BDP1: variants seen among roughly 807,000 people sequenced by gnomAD.
BDP1 encodes the protein transcription factor TFIIIB component B'' homolog.
In BDP1, 169 loss-of-function variants were observed where a neutral mutation model predicts 266.6. The observed-to-expected ratio is 0.63, with a 90% CI of 0.56 to 0.72. The LOEUF (loss-of-function observed/expected upper bound fraction) is 0.72. Among genes scored for constraint, BDP1 ranks in the 30% least tolerant of loss-of-function variants. The pLI, the probability that BDP1 is intolerant of heterozygous loss-of-function variation, is 0.00. For missense variants in BDP1, 3,015 were observed against 3,053.8 expected (o/e 0.99, Z 0.30); for synonymous variants, 1,090 against 1,022.4 (o/e 1.07, Z -1.26).
intron 3 of BDP1, among the ~76,000 whole-genome samples, chr5:71,462,807 T>G (rs1417081595): frequency 6.6e-6 from 1 of 152,052 alleles, no homozygotes; most frequent in Non-Finnish European, 1.5e-5. Context: ...CAAGGCATAG[T>G]GAAACCAACT....
chr5:71,511,336 G>C, intron 17 of BDP1, 185 bp downstream of exon 17: 1 of 631,418 alleles, frequency 1.6e-6, no homozygotes, highest in Non-Finnish European at 2.6e-6. Context: ...TTTTTAAAAA[G>C]ATAACTTTAG....
At position 71,455,891 on chromosome 5, in the gene BDP1, C is replaced by T. The variant is rs1324309039; in HGVS notation, c.14C>T (p.Ala5Val). 1 of 1,592,356 alleles carries T rather than the reference C, an allele frequency of 6.3e-7. No homozygotes were observed. The highest frequency in any genetic ancestry group is 1.3e-5 in the African/African-American group (1 of 74,616). Residue 5 changes from alanine (A) to valine (V), a missense_variant, in exon 1 of 39, where the codon GCA becomes GTA. By Grantham distance (64) the Ala-to-Val change is moderately conservative (BLOSUM62 0). Around this residue, in one of 3 missense-constraint regions of BDP1, gnomAD observed 2,383 missense variants for 2,404.9 expected, o/e 0.99. Coordinates refer to ENST00000358731, the MANE Select transcript of BDP1 (RefSeq NM_018429.3). MFRR[A>V]RLSVKPNVRP... ...CCTGCCTCCGCCATGTTCCGCAGGG[C>T]ACGCCTTAGCGTGAAGCCGAATGTC... is the stretch of plus-strand genomic sequence containing the variant.
In BDP1 at chr5:71,541,459, G is replaced by T. The variant is rs753630985; in HGVS notation, c.6028G>T (p.Val2010Leu). ...TTTTTTTTTTTTTTCTTCAGTAGGAGTATGTATAATTCCTCATGTTCATTC... is the reference window on the plus strand; with the variant it reads ...TTTTTTTTTTTTTTCTTCAGTAGGATTATGTATAATTCCTCATGTTCATTC... ...EISSEQGDVG[V>L]CIIPHVHSKD... The change falls in exon 29 of 39, where the codon GTA (valine) becomes TTA (leucine). Residue 2010 changes from valine to leucine, a missense_variant. Transcript: ENST00000358731. The T allele has an allele frequency of 1.8e-5, 23 of 1,258,472 alleles. No individual in the cohort carries two copies. The highest frequency in any genetic ancestry group is 5.0e-5 in the East Asian group (2 of 40,192). 78.0% of individuals were successfully genotyped at this position (1,258,472 alleles called of 1,614,324 possible). A position where few individuals can be genotyped will look rare whatever the true frequency, so the allele number is the denominator to read the frequency against.
At chr5:71,529,323 A>G (rs1056670763) in intron 25 of BDP1, among the ~76,000 whole-genome samples, 2 of 151,996 alleles carry the variant, frequency 1.3e-5, no homozygotes, top group Non-Finnish European at 1.5e-5. Context: ...CCAGAAGGCA[A>G]TGGTTGTGGT....
chr5:71,459,741 T>G (rs1761426423), intron 2 of BDP1, among the ~76,000 whole-genome samples: 1 of 152,200 alleles, frequency 6.6e-6, no homozygotes, highest in African/African-American at 2.4e-5. Context: ...TTACTAGCTT[T>G]GTGACCTTGG....
At chr5:71,550,155 G>A (rs1371165042) in intron 34 of BDP1, among the ~76,000 whole-genome samples, 1 of 152,212 alleles carries the variant, frequency 6.6e-6, no homozygotes, top group Non-Finnish European at 1.5e-5. Flanking sequence ...GGAGGCCAAG[G>A]TGGGCAGATC....
At chr5:71,472,490 T>C (rs1383536776) in intron 7 of BDP1, among the ~76,000 whole-genome samples, 2 of 152,196 alleles carry the variant, frequency 1.3e-5, no homozygotes. Flanking sequence ...TATTTAAAGC[T>C]ACTGAATTAC....
the BDP1 span, among the ~76,000 whole-genome samples, chr5:71,573,372 G>A: frequency 2.6e-5 from 4 of 152,078 alleles, no homozygotes; most frequent in East Asian, 1.9e-4. Context: ...ATAATTTTAC[G>A]CTCTGCTGCC....
intron 19 of BDP1, among the ~76,000 whole-genome samples, chr5:71,514,582 A>G (rs1765121621): frequency 6.6e-6 from 1 of 152,188 alleles, no homozygotes. Context: ...GCTTCTTTTT[A>G]GATCAGTACA....
At position 71,510,238 on chromosome 5, in the gene BDP1, A is replaced by G. The variant is rs2150471197; in HGVS notation, c.3146A>G (p.Asn1049Ser). 6.2e-7 allele frequency: 1 copy of G among 1,613,910 alleles called. No individual in the cohort carries two copies. Among genetic ancestry groups the G allele is most frequent in the East Asian group, 2.2e-5 (1 of 44,870 alleles). Residue 1049 changes from asparagine (N) to serine (S), a missense_variant, in exon 17 of 39, where the codon AAT becomes AGT. Asn to Ser is a conservative substitution (Grantham distance 46). Around this residue, in one of 3 missense-constraint regions of BDP1, gnomAD observed 2,383 missense variants for 2,404.9 expected, o/e 0.99. Coordinates refer to ENST00000358731, the MANE Select transcript of BDP1 (RefSeq NM_018429.3). ...ETEREVSPQENGLEEVKPLGE... is the reference protein window; with the variant it reads ...ETEREVSPQESGLEEVKPLGE... ...GAAAGAGAAGTATCCCCACAGGAAA[A>G]TGGACTAGAGGAGGTCAAGCCTCTA...
chr5:71,562,122 T>TG (rs1743700162), intron 37 of BDP1, 152 bp from the exon 38 acceptor site: 1 of 567,190 alleles, frequency 1.8e-6, no homozygotes, highest in Admixed American at 4.1e-5. Context: ...CTCTTGAACC[T>TG]GGGAGGTGGA....
the BDP1 span, among the ~76,000 whole-genome samples, chr5:71,574,360 C>A: frequency 1.3e-5 from 2 of 152,178 alleles, no homozygotes; most frequent in Admixed American, 6.5e-5. Flanking sequence ...ATGGCACCCC[C>A]CTGTCAGGAA....
At chr5:71,505,631 G>A (rs892449168) in intron 16 of BDP1, among the ~76,000 whole-genome samples, 1 of 152,200 alleles carries the variant, frequency 6.6e-6, no homozygotes, top group South Asian at 2.1e-4. Flanking sequence ...TCCAGTTTCA[G>A]TAATTAATAT....
At chr5:71,544,262 A>G (rs1171849777) in intron 30 of BDP1, 95 bp from the exon 31 acceptor site, 2 of 1,157,008 alleles carry the variant, frequency 1.7e-6, no homozygotes, top group Non-Finnish European at 2.5e-6. Context: ...GAGTCACTAT[A>G]TAGGAATCTT....
chr5:71,507,702 A>G (rs1209257716), intron 16 of BDP1, among the ~76,000 whole-genome samples: 1 of 152,196 alleles, frequency 6.6e-6, no homozygotes, highest in East Asian at 1.9e-4. Context: ...CAAAAAATGG[A>G]ATGCGGTCCA....
At chr5:71,497,454 T>A (rs770917107) in intron 13 of BDP1, 28 bp downstream of exon 13, 3 of 1,547,426 alleles carry the variant, frequency 1.9e-6, no homozygotes, top group Non-Finnish European at 2.6e-6. Flanking sequence ...TCATGGAAAT[T>A]AAAATTATAA....
chr5:71,490,815 T>C lies in BDP1; in HGVS notation c.1493-169T>C, dbSNP rs1467918982. Among the ~76,000 whole-genome samples, 3 of 152,194 alleles carry C rather than the reference T, an allele frequency of 2.0e-5. No individual in the cohort carries two copies. The East Asian group carries it at 5.8e-4, about 29-fold the overall frequency. Reference sequence around the variant, plus strand: ...AGAAGCTTGAGCTGATCCTCATATATGTTAAGTTTTTATTATGGTCTAAAA... The same window carrying C: ...AGAAGCTTGAGCTGATCCTCATATACGTTAAGTTTTTATTATGGTCTAAAA... On this transcript the variant is annotated intron_variant, in intron 10 of 38. Coordinates refer to ENST00000358731, the MANE Select transcript of BDP1 (RefSeq NM_018429.3).
the BDP1 span, among the ~76,000 whole-genome samples, chr5:71,573,339 C>T: frequency 6.6e-6 from 1 of 152,208 alleles, no homozygotes; most frequent in East Asian, 1.9e-4. Flanking sequence ...CCTTAGGTAG[C>T]AGAAATAGAG....
chr5:71,504,584 A>G, intron 15 of BDP1, 37 bp from the exon 16 acceptor site: 1 of 1,576,660 alleles, frequency 6.3e-7, no homozygotes, highest in Non-Finnish European at 8.6e-7. Flanking sequence ...CCTCATTGTG[A>G]AACCTAAAAC....
Sources: gnomAD v4.1 joint callset for allele counts (sites outside exome capture counted in the v4.1 genomes callset) on GRCh38, gnomAD v4.1.1 for gene constraint, gnomAD v4.1.1 regional missense constraint, MANE v1.5 for transcripts, NCBI Gene and HGNC (gene_info 2026-07-23, HGNC 2026-07-21) for gene names.